Variants in SNF8 observed in about 807,000 individuals in gnomAD.
SNF8 encodes the protein vacuolar-sorting protein SNF8.
Under a neutral mutation model 36.8 loss-of-function variants are expected in SNF8, and 19 were observed. That is an observed-to-expected ratio of 0.52 (90% CI 0.36 to 0.76). The LOEUF is 0.76. SNF8 is among the 30% of genes least tolerant of loss of function. The probability of loss-of-function intolerance (pLI) is 0.00; values close to 1 mark genes in which losing one functional copy is unlikely to be tolerated. For missense variants in SNF8, 268 were observed against 322.9 expected, an observed-to-expected ratio of 0.83 and a Z score of 1.30; for synonymous variants, 127 against 127.4, an observed-to-expected ratio of 1.00 and a Z score of 0.02.
Position 48,944,603 on chromosome 17 carries a change from G to C in SNF8, c.54+78C>G, listed in dbSNP as rs2041077007. The C allele has an allele frequency of 1.1e-5, 16 of 1,469,040 alleles. No homozygotes were observed. The South Asian group carries it at 1.8e-4, about 17-fold the overall frequency. The allele number at this position is 1,469,040 out of a possible 1,614,324, so 91.0% of individuals were successfully genotyped here. A position where few individuals can be genotyped will look rare whatever the true frequency, so the allele number is the denominator to read the frequency against. ...CAGATTCTGTTGGGAGGTGATTAAC[G>C]GGTAGGACACTGCTCCGGGACAATT... is the stretch of plus-strand genomic sequence containing the variant. On this transcript the variant is annotated intron_variant, in intron 1 of 7. Coordinates refer to ENST00000502492, the MANE Select transcript of SNF8 (RefSeq NM_007241.4).
chr17:48,933,553 G>C lies in SNF8; in HGVS notation c.423-207C>G, dbSNP rs965283696. ...GCCCAGGGGTTAGAGACCAGCCTGGGCAACACAGCAAGACCTTATCTTTAC... is the reference window on the plus strand; with the variant it reads ...GCCCAGGGGTTAGAGACCAGCCTGGCCAACACAGCAAGACCTTATCTTTAC... On this transcript the variant is annotated intron_variant, in intron 5 of 7. Transcript: ENST00000502492. 8.7e-5 allele frequency: 50 copies of C among 574,496 alleles called. 1 individual carries two copies. Among genetic ancestry groups the C allele is most frequent in the South Asian group, 2.4e-4 (11 of 45,524 alleles). The allele number at this position is 574,496 out of a possible 1,614,324, so 35.6% of individuals were successfully genotyped here.
At chr17:48,942,407 C>A (rs530245275) in intron 2 of SNF8, among the ~76,000 whole-genome samples, 1 of 152,044 alleles carries the variant, frequency 6.6e-6, no homozygotes, top group Admixed American at 6.6e-5. Context: ...CATGCCATCT[C>A]CCCTGTGAGT....
chr17:48,936,998 C>G (rs1249753695), intron 4 of SNF8, 22 bp downstream of exon 4: 3 of 1,561,844 alleles, frequency 1.9e-6, no homozygotes, highest in Admixed American at 3.3e-5. Flanking sequence ...GAGTCCAGTT[C>G]ACAGGACCTA....
At chr17:48,933,177 A>T (rs781462135) in intron 6 of SNF8, 28 bp downstream of exon 6, 2 of 1,610,386 alleles carry the variant, frequency 1.2e-6, no homozygotes, top group African/African-American at 1.3e-5. Flanking sequence ...TCCCTTGCAC[A>T]CACACACACT....
intron 3 of SNF8, among the ~76,000 whole-genome samples, chr17:48,938,578 G>A (rs530765410): frequency 7.9e-5 from 12 of 151,184 alleles, no homozygotes; most frequent in Non-Finnish European, 1.6e-4. Context: ...TGTTTACAAA[G>A]TTGGGGCCAC....
Position 48,940,931 on chromosome 17 carries a change from C to T in SNF8, c.237G>A (p.Pro79=), listed in dbSNP as rs34165903. 11,543 of 1,611,834 alleles carry T rather than the reference C, an allele frequency of 7.2e-3. 400 individuals are homozygous for T. Among genetic ancestry groups the T allele is most frequent in the African/African-American group, 0.066 (4,935 of 74,916 alleles). The change falls in exon 3 of 8, where the codon CCG becomes CCA. Residue 79 remains proline, a synonymous_variant. Transcript: ENST00000502492. ...QDMCATIGVD[P]LASGKGFWSE... is the part of the protein sequence containing the mutation. Reference sequence around the variant, plus strand: ...CTACAGACAACTTCTTACAGGCCAGCGGATCCACGCCAATGGTTGCACACA... The same window carrying T: ...CTACAGACAACTTCTTACAGGCCAGTGGATCCACGCCAATGGTTGCACACA...
chr17:48,944,292 ACT>A (rs1304596376), intron 1 of SNF8, among the ~76,000 whole-genome samples: 2 of 151,828 alleles, frequency 1.3e-5, no homozygotes, highest in Non-Finnish European at 1.5e-5. Flanking sequence ...ACAGAGCAAG[ACT>A]CTGTCTCAAA....
At chr17:48,930,664 C>G (rs768160160) in intron 7 of SNF8, 52 bp from the exon 8 acceptor site, 27 of 1,578,890 alleles carry the variant, frequency 1.7e-5, no homozygotes, top group Non-Finnish European at 2.3e-5. Flanking sequence ...GTTCCATAGA[C>G]AAAGGGTAGG....
At chr17:48,938,131 CTG>C (rs1360864592) in intron 3 of SNF8, among the ~76,000 whole-genome samples, 1 of 152,040 alleles carries the variant, frequency 6.6e-6, no homozygotes, top group African/African-American at 2.4e-5. Flanking sequence ...ACTGAATGTT[CTG>C]TGAGTTACCA....
In SNF8 at chr17:48,929,484, T is replaced by C. The variant is rs1286972395; in HGVS notation, c.*991A>G. ...CTTAGCCTTTAGACCATAAGGACTT[T>C]GGGAGCCTTAAACAACTCTGGCCTC... On this transcript the variant is annotated 3_prime_UTR_variant, in exon 8 of 8. Transcript: ENST00000502492. The C allele has an allele frequency of 6.6e-6, 1 of 152,210 alleles. No individual in the cohort carries two copies. The highest frequency in any genetic ancestry group is 2.4e-5 in the African/African-American group (1 of 41,456). The allele number at this position is 152,210 out of a possible 1,614,324, so 9.4% of individuals were successfully genotyped here.
intron 2 of SNF8, among the ~76,000 whole-genome samples, chr17:48,942,294 G>C: frequency 6.7e-6 from 1 of 149,536 alleles, no homozygotes. Flanking sequence ...CCAAGATCAC[G>C]CCACTGCACT....
chr17:48,942,019 A>G (rs1281759986), intron 2 of SNF8, among the ~76,000 whole-genome samples: 2 of 152,056 alleles, frequency 1.3e-5, no homozygotes, highest in East Asian at 3.8e-4. Context: ...TATAAATTAA[A>G]AAAACAAAAA....
chr17:48,938,302 G>A (rs1255628507), intron 3 of SNF8, among the ~76,000 whole-genome samples: 4 of 150,708 alleles, frequency 2.7e-5, no homozygotes, highest in Admixed American at 2.6e-4. Context: ...TTCGAGAACA[G>A]CCTGACCAAC....
At chr17:48,944,470 T>C (rs1215576489) in intron 1 of SNF8, among the ~76,000 whole-genome samples, 2 of 152,166 alleles carry the variant, frequency 1.3e-5, no homozygotes, top group Non-Finnish European at 2.9e-5. Context: ...TAGAATCCCA[T>C]TTGTAGTTAA....
At chr17:48,931,598 A>G in intron 7 of SNF8, 45 bp downstream of exon 7, 4 of 1,528,374 alleles carry the variant, frequency 2.6e-6, no homozygotes, top group Non-Finnish European at 3.6e-6. Flanking sequence ...CATCCTCCCA[A>G]CTGGGGCCTG....
chr17:48,937,595 A>G (rs556589103), intron 3 of SNF8, among the ~76,000 whole-genome samples: 1 of 149,326 alleles, frequency 6.7e-6, no homozygotes, highest in South Asian at 2.1e-4. Flanking sequence ...GCGCCACCAT[A>G]CTCCAGCCTG....
At position 48,944,839 on chromosome 17, in the gene SNF8, C is replaced by G; in HGVS notation, c.-105G>C. On this transcript the variant is annotated 5_prime_UTR_variant, in exon 1 of 8. Transcript: ENST00000502492. ...GGCGGAAGCCCGAGCCGCGCGTCAT[C>G]TGCACGCGCCGGAAGCCACGAGCCG... 4 of 1,389,334 alleles carry G rather than the reference C, an allele frequency of 2.9e-6. No individual in the cohort carries two copies. Among genetic ancestry groups the G allele is most frequent in the East Asian group, 5.9e-5 (2 of 33,786 alleles). 86.1% of individuals were successfully genotyped at this position (1,389,334 alleles called of 1,614,324 possible).
Position 48,930,468 on chromosome 17 carries a change from C to T in SNF8, c.*7G>A, listed in dbSNP as rs749837981. 1.3e-6 allele frequency: 2 copies of T among 1,590,490 alleles called. No homozygotes were observed. The highest frequency in any genetic ancestry group is 1.1e-5 in the South Asian group (1 of 88,386). On this transcript the variant is annotated 3_prime_UTR_variant, in exon 8 of 8. Transcript: ENST00000502492. ...CTGCCTGCTGCTGTGTGCCCTTCCA[C>T]ATGCAGTCAGGGGAGGGCTTCTCTG...
chr17:48,936,879 G>A, intron 4 of SNF8, 141 bp downstream of exon 4: 1 of 701,878 alleles, frequency 1.4e-6, no homozygotes, highest in Non-Finnish European at 2.6e-6. Flanking sequence ...ACTTGCCATG[G>A]ATTCAACTGC....
Sources: allele counts gnomAD v4.1 joint callset (sites outside exome capture counted in the v4.1 genomes callset), GRCh38; gene constraint gnomAD v4.1.1; transcripts MANE v1.5; gene names NCBI Gene and HGNC (gene_info 2026-07-23, HGNC 2026-07-21).